The following CYSLTR2 variants were observed in gnomAD, a reference collection of about 807,000 sequenced individuals.
The protein encoded by CYSLTR2 is G-protein coupled receptor GPCR21.
For missense variants in CYSLTR2, 398 were observed against 411.9 expected, an observed-to-expected ratio of 0.97 and a Z score of 0.29; for synonymous variants, 179 against 160.8, an observed-to-expected ratio of 1.11 and a Z score of -0.86.
intron 1 of CYSLTR2, among the ~76,000 whole-genome samples, chr13:48,672,443 G>A (rs889629078): frequency 3.3e-5 from 5 of 151,972 alleles, no homozygotes; most frequent in Admixed American, 1.3e-4. Context: ...TCTAAACAGT[G>A]CTTTAACTGT....
chr13:48,675,292 A>T (rs1016823902), intron 1 of CYSLTR2, among the ~76,000 whole-genome samples: 1 of 152,188 alleles, frequency 6.6e-6, no homozygotes, highest in Admixed American at 6.5e-5. Flanking sequence ...AGCTTTATCT[A>T]TAAGCCCCTA....
At chr13:48,665,143 T>C (rs1343159100) in intron 1 of CYSLTR2, among the ~76,000 whole-genome samples, 1 of 152,160 alleles carries the variant, frequency 6.6e-6, no homozygotes, top group Non-Finnish European at 1.5e-5. Context: ...GTTATTGCTA[T>C]CTATTTTTGT....
intron 1 of CYSLTR2, among the ~76,000 whole-genome samples, chr13:48,680,588 A>C (rs1365965809): frequency 6.6e-6 from 1 of 152,080 alleles, no homozygotes; most frequent in Non-Finnish European, 1.5e-5. Flanking sequence ...ATTTGTTCTG[A>C]ATCCCCTTTC....
At position 48,707,644 on chromosome 13, in the gene CYSLTR2, T is replaced by C; in HGVS notation, c.827T>C (p.Val276Ala). 6.2e-7 allele frequency: 1 copy of C among 1,613,920 alleles called. No homozygotes were observed. Among genetic ancestry groups the C allele is most frequent in the South Asian group, 1.1e-5 (1 of 91,078 alleles). The stretch of plus-strand genomic sequence containing the variant: ...ACCGTCCACTTGACGACATGGAAAG[T>C]GGGTTTATGCAAAGACAGACTGCAT... ...LRTVHLTTWK[V>A]GLCKDRLHKA... is the part of the protein sequence containing the mutation. Residue 276 changes from valine to alanine, a missense_variant, in exon 5 of 5, where the codon GTG (valine) becomes GCG (alanine). By Grantham distance (64) the Val-to-Ala change is moderately conservative. Coordinates refer to ENST00000682523, the MANE Select transcript of CYSLTR2 (RefSeq NM_001308476.3).
intron 4 of CYSLTR2, among the ~76,000 whole-genome samples, chr13:48,703,396 G>T (rs886325914): frequency 5.3e-5 from 8 of 152,110 alleles, no homozygotes; most frequent in African/African-American, 1.9e-4. Flanking sequence ...CATTGCTCCT[G>T]ATCTTATGGG....
At position 48,695,633 on chromosome 13, in the gene CYSLTR2, C is replaced by CCCCGGCAATTACAAATCTCCA. The variant is rs540325230; in HGVS notation, c.-102-893_-102-892insCCCGGCAATTACAAATCTCCA. On this transcript the variant is annotated intron_variant, in intron 3 of 4. Transcript: ENST00000682523. Reference sequence around the variant, plus strand: ...AATTACAAATCTGTGTTCTCCATTTCTATAATTTTGTCATTCAAGGATGTT... The same window carrying CCCCGGCAATTACAAATCTCCA: ...AATTACAAATCTGTGTTCTCCATTTCCCCGGCAATTACAAATCTCCATATAATTTTGTCATTCAAGGATGTT... Among the ~76,000 whole-genome samples, 437 of 152,272 alleles carry CCCCGGCAATTACAAATCTCCA rather than the reference C, an allele frequency of 2.9e-3. 1 individual carries two copies. Among genetic ancestry groups the CCCCGGCAATTACAAATCTCCA allele is most frequent in the African/African-American group, 9.9e-3 (411 of 41,552 alleles).
chr13:48,663,335 G>A (rs1006861547), intron 1 of CYSLTR2, among the ~76,000 whole-genome samples: 1 of 152,028 alleles, frequency 6.6e-6, no homozygotes, highest in African/African-American at 2.4e-5. Flanking sequence ...TTCTTTTGTG[G>A]CTCCATACAA....
intron 1 of CYSLTR2, among the ~76,000 whole-genome samples, chr13:48,689,003 G>C (rs1953967680): frequency 6.6e-6 from 1 of 152,168 alleles, no homozygotes; most frequent in Non-Finnish European, 1.5e-5. Context: ...TGTTTCTAAT[G>C]ACCAGTGATG....
chr13:48,693,620 C>T (rs1162059828), intron 3 of CYSLTR2, 110 bp downstream of exon 3: 1 of 140,938 alleles, frequency 7.1e-6, no homozygotes, highest in African/African-American at 2.6e-5. Flanking sequence ...TAAATCAACA[C>T]CAAAAAAAAA....
chr13:48,706,926 A>G lies in CYSLTR2; in HGVS notation c.109A>G (p.Lys37Glu). The change falls in exon 5 of 5, where the codon AAG becomes GAG. Residue 37 changes from lysine to glutamate, a missense_variant. Transcript: ENST00000682523. ...NSRNCTIENF[K>E]REFFPIVYLI... Reference sequence around the variant, plus strand: ...CAGGAACTGCACAATTGAAAACTTCAAGAGAGAATTTTTCCCAATTGTATA... The same window carrying G: ...CAGGAACTGCACAATTGAAAACTTCGAGAGAGAATTTTTCCCAATTGTATA... The G allele has an allele frequency of 7.4e-6, 12 of 1,614,198 alleles. No homozygotes were observed. Among genetic ancestry groups the G allele is most frequent in the Non-Finnish European group, 1.0e-5 (12 of 1,180,004 alleles).
At chr13:48,665,121 A>T (rs1953227718) in intron 1 of CYSLTR2, among the ~76,000 whole-genome samples, 1 of 152,056 alleles carries the variant, frequency 6.6e-6, no homozygotes, top group Non-Finnish European at 1.5e-5. Context: ...TATAGTTTTG[A>T]ATGTTCCCCT....
intron 1 of CYSLTR2, among the ~76,000 whole-genome samples, chr13:48,678,729 T>C (rs985605415): frequency 6.6e-6 from 1 of 152,188 alleles, no homozygotes; most frequent in Non-Finnish European, 1.5e-5. Context: ...GTTCCTTTTA[T>C]TAATGAAAGG....
At chr13:48,673,357 T>G (rs1228429348) in intron 1 of CYSLTR2, among the ~76,000 whole-genome samples, 1 of 152,024 alleles carries the variant, frequency 6.6e-6, no homozygotes, top group African/African-American at 2.4e-5. Flanking sequence ...TATCATTATG[T>G]GATTCCCTTC....
intron 1 of CYSLTR2, among the ~76,000 whole-genome samples, chr13:48,675,941 C>T (rs1248334621): frequency 6.6e-6 from 1 of 152,156 alleles, no homozygotes; most frequent in African/African-American, 2.4e-5. Flanking sequence ...TGAGGCGATA[C>T]CCCACTCTGC....
intron 1 of CYSLTR2, among the ~76,000 whole-genome samples, chr13:48,656,676 G>C (rs1025639610): frequency 6.6e-6 from 1 of 151,948 alleles, no homozygotes; most frequent in East Asian, 1.9e-4. Flanking sequence ...GGTTACCTTG[G>C]GCATCGTTAG....
At chr13:48,698,529 C>T (rs1286431212) in intron 4 of CYSLTR2, among the ~76,000 whole-genome samples, 1 of 152,204 alleles carries the variant, frequency 6.6e-6, no homozygotes, top group Non-Finnish European at 1.5e-5. Flanking sequence ...AAGCACTAAA[C>T]ATGGAAAGGA....
intron 1 of CYSLTR2, among the ~76,000 whole-genome samples, chr13:48,677,826 C>T (rs1953639883): frequency 6.6e-6 from 1 of 152,020 alleles, no homozygotes; most frequent in African/African-American, 2.4e-5. Context: ...TCTACACCAC[C>T]CCTCTACTGA....
At chr13:48,676,778 T>C (rs1172687641) in intron 1 of CYSLTR2, among the ~76,000 whole-genome samples, 1 of 152,174 alleles carries the variant, frequency 6.6e-6, no homozygotes, top group African/African-American at 2.4e-5. Flanking sequence ...CCATTTGAGC[T>C]CTCCTAGTCC....
chr13:48,694,319 C>T (rs1006534513), intron 3 of CYSLTR2, among the ~76,000 whole-genome samples: 1 of 152,200 alleles, frequency 6.6e-6, no homozygotes, highest in African/African-American at 2.4e-5. Flanking sequence ...GTCCCTGGAG[C>T]CAGAGGACAG....
Sources: gnomAD v4.1 joint callset for allele counts (sites outside exome capture counted in the v4.1 genomes callset) on GRCh38, gnomAD v4.1.1 for gene constraint, MANE v1.5 for transcripts, NCBI Gene and HGNC (gene_info 2026-07-23, HGNC 2026-07-21) for gene names.